ZDHHC13: variants seen among roughly 807,000 people sequenced by gnomAD.
ZDHHC13 encodes the protein palmitoyltransferase ZDHHC13.
A neutral mutation model predicts 86.0 loss-of-function variants in ZDHHC13; 85 were observed. The observed-to-expected ratio is 0.99, with a 90% CI of 0.83 to 1.18. The LOEUF (loss-of-function observed/expected upper bound fraction) is 1.18, where lower values mean the gene tolerates loss of function less well. Ranked by LOEUF, ZDHHC13 falls within the 50% of genes most tolerant of loss-of-function variation. The probability of loss-of-function intolerance (pLI) is 0.00; values close to 1 mark genes in which losing one functional copy is unlikely to be tolerated. For synonymous variants in ZDHHC13, 263 were observed against 246.4 expected (o/e 1.07, Z -0.63); for missense variants, 711 against 730.2 (o/e 0.97, Z 0.30).
In ZDHHC13 at chr11:19,150,735, T is replaced by A; in HGVS notation, c.528T>A (p.Asn176Lys). 1 of 1,609,372 alleles carries A rather than the reference T, an allele frequency of 6.2e-7. No homozygotes were observed. Among genetic ancestry groups the A allele is most frequent in the Non-Finnish European group, 8.5e-7 (1 of 1,176,612 alleles). Reference protein sequence around the residue: ...AYLISKGQSVNMTDVNGQTPL... With the variant: ...AYLISKGQSVKMTDVNGQTPL... Reference sequence around the variant, plus strand: ...GTCTTCTTTTTGAATAGAGTGTGAATATGACAGATGTAAATGGGCAGACAC... The same window carrying A: ...GTCTTCTTTTTGAATAGAGTGTGAAAATGACAGATGTAAATGGGCAGACAC... Residue 176 changes from asparagine to lysine, a missense_variant, in exon 6 of 17, where the codon AAT becomes AAA. Physicochemically the swap from Asn to Lys is moderately conservative, Grantham distance 94. Transcript: ENST00000446113.
chr11:19,162,997 A>G (rs892002744), intron 10 of ZDHHC13, among the ~76,000 whole-genome samples: 5 of 152,222 alleles, frequency 3.3e-5, no homozygotes, highest in Non-Finnish European at 7.3e-5. Flanking sequence ...CAGGAGAGCC[A>G]CAATTACACC....
chr11:19,124,410 TGAAGAG>T (rs1848826685), intron 1 of ZDHHC13, among the ~76,000 whole-genome samples: 1 of 152,138 alleles, frequency 6.6e-6, no homozygotes, highest in African/African-American at 2.4e-5. Flanking sequence ...GGTACAGTAT[TGAAGAG>T]GAAAGAGTCC....
At chr11:19,150,841 T>C in intron 6 of ZDHHC13, 50 bp downstream of exon 6, 1 of 1,533,026 alleles carries the variant, frequency 6.5e-7, no homozygotes, top group Non-Finnish European at 9.0e-7. Flanking sequence ...CAACTATTTC[T>C]TTTCTGTGTA....
intron 10 of ZDHHC13, among the ~76,000 whole-genome samples, chr11:19,159,624 A>T (rs981872414): frequency 6.6e-5 from 10 of 152,150 alleles, no homozygotes; most frequent in Non-Finnish European, 1.3e-4. Context: ...ATCATGGCCC[A>T]TTTAATTCTT....
At chr11:19,128,542 T>A (rs1427688297) in intron 1 of ZDHHC13, among the ~76,000 whole-genome samples, 1 of 152,130 alleles carries the variant, frequency 6.6e-6, no homozygotes, top group Non-Finnish European at 1.5e-5. Context: ...TCTTTAAAAT[T>A]AAAAATTTCT....
At chr11:19,155,961 T>C (rs1849746942) in intron 9 of ZDHHC13, 32 bp downstream of exon 9, 4 of 1,573,000 alleles carry the variant, frequency 2.5e-6, no homozygotes, top group South Asian at 2.4e-5. Context: ...AGGCTGGTTA[T>C]TGTGTTTCTG....
At chr11:19,164,447 T>C (rs1850001095) in intron 12 of ZDHHC13, 84 bp downstream of exon 12, 2 of 1,329,064 alleles carry the variant, frequency 1.5e-6, no homozygotes, top group South Asian at 2.5e-5. Context: ...CAGATCTTCA[T>C]GGTATATTTA....
At position 19,118,218 on chromosome 11, in the gene ZDHHC13, G is replaced by C. The variant is rs146892193; in HGVS notation, c.27+942G>C. 2.9e-3 allele frequency among the ~76,000 whole-genome samples: 440 copies of C among 152,274 alleles called. 1 individual carries two copies. Among genetic ancestry groups the C allele is most frequent in the African/African-American group, 0.01 (428 of 41,558 alleles). On this transcript the variant is annotated intron_variant, in intron 1 of 16. Transcript: ENST00000446113. Reference sequence around the variant, plus strand: ...AGCTGTCTTCAGCTGGAATCAGTTAGGCGGTAGATTCTCAGTTTGGGATGA... The same window carrying C: ...AGCTGTCTTCAGCTGGAATCAGTTACGCGGTAGATTCTCAGTTTGGGATGA...
At chr11:19,164,158 C>A in intron 11 of ZDHHC13, 143 bp from the exon 12 acceptor site, 3 of 742,732 alleles carry the variant, frequency 4.0e-6, no homozygotes, top group Non-Finnish European at 2.1e-6. Flanking sequence ...TCATTTCAAG[C>A]ACAGAATGAT....
At chr11:19,119,955 C>T (rs114500490) in intron 1 of ZDHHC13, among the ~76,000 whole-genome samples, 2,948 of 152,254 alleles carry the variant, frequency 0.019, 99 homozygotes, top group African/African-American at 0.067. Flanking sequence ...TCTTTTTATT[C>T]GATAATCTGG....
chr11:19,176,063 G>A lies in ZDHHC13; in HGVS notation c.*103G>A. 7.6e-7 allele frequency: 1 copy of A among 1,318,774 alleles called. No homozygotes were observed. Among genetic ancestry groups the A allele is most frequent in the Non-Finnish European group, 1.0e-6 (1 of 1,000,884 alleles). The allele number at this position is 1,318,774 out of a possible 1,614,324, so 81.7% of individuals were successfully genotyped here. A position where few individuals can be genotyped will look rare whatever the true frequency, so the allele number is the denominator to read the frequency against. On this transcript the variant is annotated 3_prime_UTR_variant, in exon 17 of 17. Transcript: ENST00000446113. The stretch of plus-strand genomic sequence containing the variant: ...ATTTAGAATTCACCTAAGTCCAAAG[G>A]AAAACACGTGGTTTTTAAAGCCATT...
rs1044511084 is a variant in ZDHHC13, at chr11:19,169,660, C to G, written c.1475-751C>G. ...GTAAAAGTCATTGGATTTACATAAC[C>G]TTGAAGATCCGTTCCCTTGTTTCTG... On this transcript the variant is annotated intron_variant, in intron 14 of 16. Coordinates refer to ENST00000446113, the MANE Select transcript of ZDHHC13 (RefSeq NM_019028.3). The G allele has an allele frequency of 4.0e-5, 39 of 985,460 alleles. No homozygotes were observed. The African/African-American group carries it at 5.9e-4, about 15-fold the overall frequency. The allele number at this position is 985,460 out of a possible 1,614,324, so 61.0% of individuals were successfully genotyped here. A position where few individuals can be genotyped will look rare whatever the true frequency, so the allele number is the denominator to read the frequency against.
At chr11:19,171,417 AT>A (rs1442558160) in intron 15 of ZDHHC13, among the ~76,000 whole-genome samples, 13 of 152,206 alleles carry the variant, frequency 8.5e-5, no homozygotes, top group African/African-American at 3.1e-4. Flanking sequence ...AAAGTAATCA[AT>A]CTCAAAATAA....
chr11:19,128,526 A>G (rs1331779674), intron 1 of ZDHHC13, among the ~76,000 whole-genome samples: 1 of 152,042 alleles, frequency 6.6e-6, no homozygotes, highest in African/African-American at 2.4e-5. Flanking sequence ...TGTCTTGTAA[A>G]AACTTTCTTT....
At chr11:19,166,643 G>A (rs573379714) in intron 14 of ZDHHC13, 98 of 261,440 alleles carry the variant, frequency 3.7e-4, no homozygotes, top group Non-Finnish European at 4.7e-4. Context: ...TAAGGCAAGT[G>A]CAGATTTGCT....
At chr11:19,155,354 G>T (rs1413376110) in intron 8 of ZDHHC13, among the ~76,000 whole-genome samples, 1 of 152,062 alleles carries the variant, frequency 6.6e-6, no homozygotes, top group Non-Finnish European at 1.5e-5. Context: ...GCCGAGGCAG[G>T]TGGATCGCCT....
chr11:19,170,375 C>CTTTTTTTTTTTTTT, intron 14 of ZDHHC13, 36 bp from the exon 15 acceptor site: 17 of 1,235,182 alleles, frequency 1.4e-5, no homozygotes, highest in South Asian at 7.8e-5. Flanking sequence ...AGTTTATTGC[C>CTTTTTTTTTTTTTT]TTTTTTTTTT....
rs374066482 is a variant in ZDHHC13 at position 19,176,003 on chromosome 11, A to G, written c.*43A>G. ...CTCTCAATCTGATTTGTTTTTGTTT[A>G]TGTCGATGCCCTGTAGTTTGAAAGT... On this transcript the variant is annotated 3_prime_UTR_variant, in exon 17 of 17. Coordinates refer to ENST00000446113, the MANE Select transcript of ZDHHC13 (RefSeq NM_019028.3). The G allele has an allele frequency of 1.9e-4, 296 of 1,570,856 alleles. No individual in the cohort carries two copies. The highest frequency in any genetic ancestry group is 2.4e-4 in the Non-Finnish European group (274 of 1,162,598).
chr11:19,176,130 GT>G lies in ZDHHC13; in HGVS notation c.*173del. On this transcript the variant is annotated 3_prime_UTR_variant, in exon 17 of 17. Coordinates refer to ENST00000446113, the MANE Select transcript of ZDHHC13 (RefSeq NM_019028.3). ...CAATAAAGGCATTACAATTTTTTAG[GT>G]TTAGAAAGATGGACTTTTCTGATAA... The G allele has an allele frequency of 1.8e-6, 1 of 553,270 alleles. No homozygotes were observed. Among genetic ancestry groups the G allele is most frequent in the Non-Finnish European group, 2.8e-6 (1 of 358,594 alleles). The allele number at this position is 553,270 out of a possible 1,614,324, so 34.3% of individuals were successfully genotyped here.
Sources: allele counts gnomAD v4.1 joint callset (sites outside exome capture counted in the v4.1 genomes callset), GRCh38; gene constraint gnomAD v4.1.1; transcripts MANE v1.5; gene names NCBI Gene and HGNC (gene_info 2026-07-23, HGNC 2026-07-21).